Variants in MIS18A observed in about 807,000 individuals in gnomAD.
MIS18A encodes the protein protein Mis18-alpha.
Under a neutral mutation model 25.0 loss-of-function variants are expected in MIS18A, and 14 were observed. That is an observed-to-expected ratio of 0.56 (90% CI 0.37 to 0.88). The LOEUF is 0.88. Among genes scored for constraint, MIS18A ranks in the 40% least tolerant of loss-of-function variants. The pLI is 0.00. For synonymous variants in MIS18A, 134 were observed against 118.6 expected, an observed-to-expected ratio of 1.13 and a Z score of -0.84; for missense variants, 292 against 290.8, an observed-to-expected ratio of 1.00 and a Z score of -0.03.
the MIS18A span, among the ~76,000 whole-genome samples, chr21:32,181,915 C>T: frequency 2.2e-4 from 33 of 152,094 alleles, no homozygotes; most frequent in Non-Finnish European, 5.9e-5. Context: ...TTACACTGAC[C>T]ACTTACCCTC....
the MIS18A span, among the ~76,000 whole-genome samples, chr21:32,162,123 G>C: frequency 2.4e-4 from 37 of 152,126 alleles, no homozygotes; most frequent in Admixed American, 1.6e-3. Flanking sequence ...ATGTGAAAAA[G>C]TGGCCTGGGT....
the MIS18A span, among the ~76,000 whole-genome samples, chr21:32,190,137 T>C: frequency 3.3e-5 from 5 of 152,214 alleles, no homozygotes; most frequent in African/African-American, 4.8e-5. Flanking sequence ...GAAATTGATT[T>C]TTTCCACTAC....
chr21:32,239,567 C>G, the MIS18A span, among the ~76,000 whole-genome samples: 1 of 152,190 alleles, frequency 6.6e-6, no homozygotes, highest in Admixed American at 6.5e-5. Context: ...AAGATTCTCA[C>G]CATGAAAGGT....
At chr21:32,249,763 T>C in the MIS18A span, among the ~76,000 whole-genome samples, 1 of 152,048 alleles carries the variant, frequency 6.6e-6, no homozygotes, top group Non-Finnish European at 1.5e-5. Context: ...TCCAGTGAAC[T>C]AATAGAGCTG....
the MIS18A span, among the ~76,000 whole-genome samples, chr21:32,155,212 C>T: frequency 2.0e-5 from 3 of 152,068 alleles, no homozygotes; most frequent in Non-Finnish European, 4.4e-5. Flanking sequence ...GTTTAGAAGA[C>T]AAGCAAACTT....
At chr21:32,240,169 A>T in the MIS18A span, among the ~76,000 whole-genome samples, 2 of 152,358 alleles carry the variant, frequency 1.3e-5, no homozygotes, top group Non-Finnish European at 1.5e-5. Context: ...CAGAACCAAC[A>T]TCAACCAATT....
chr21:32,194,010 T>C, the MIS18A span, among the ~76,000 whole-genome samples: 1 of 152,102 alleles, frequency 6.6e-6, no homozygotes, highest in Admixed American at 6.5e-5. Flanking sequence ...CAAAAATGTC[T>C]CCAGACATTG....
the MIS18A span, among the ~76,000 whole-genome samples, chr21:32,242,748 C>G: frequency 6.6e-6 from 1 of 152,212 alleles, no homozygotes; most frequent in Non-Finnish European, 1.5e-5. Flanking sequence ...CCCTGCCCTC[C>G]AGAAGCTCCC....
the MIS18A span, among the ~76,000 whole-genome samples, chr21:32,184,693 T>A: frequency 6.6e-6 from 1 of 152,160 alleles, no homozygotes; most frequent in East Asian, 1.9e-4. Context: ...CACTTCATGC[T>A]GGAGATGCAC....
At chr21:32,214,334 A>T in the MIS18A span, among the ~76,000 whole-genome samples, 1 of 152,154 alleles carries the variant, frequency 6.6e-6, no homozygotes, top group Admixed American at 6.5e-5. Context: ...AGTGCATTGG[A>T]CCTAGAAAAT....
chr21:32,223,423 A>G, the MIS18A span, among the ~76,000 whole-genome samples: 3 of 152,158 alleles, frequency 2.0e-5, no homozygotes, highest in South Asian at 2.1e-4. Flanking sequence ...TCAAATAGAC[A>G]CAATAAAAAA....
At chr21:32,185,506 C>T in the MIS18A span, among the ~76,000 whole-genome samples, 2 of 152,170 alleles carry the variant, frequency 1.3e-5, no homozygotes, top group African/African-American at 2.4e-5. Flanking sequence ...ATGTGGCATG[C>T]ATCCTCCAAT....
chr21:32,208,276 G>C, the MIS18A span, among the ~76,000 whole-genome samples: 1 of 152,182 alleles, frequency 6.6e-6, no homozygotes, highest in Admixed American at 6.5e-5. Flanking sequence ...AGTGTTGAAG[G>C]TAGGGCCTGG....
chr21:32,199,806 A>T, the MIS18A span, among the ~76,000 whole-genome samples: 1 of 152,122 alleles, frequency 6.6e-6, no homozygotes, highest in Admixed American at 6.6e-5. Context: ...ACTCTGTCTC[A>T]AAAAAACAAA....
At chr21:32,226,680 A>G in the MIS18A span, among the ~76,000 whole-genome samples, 1 of 152,204 alleles carries the variant, frequency 6.6e-6, no homozygotes, top group Non-Finnish European at 1.5e-5. Context: ...CACACTTTCA[A>G]TAATATAGAG....
chr21:32,213,600 C>T, the MIS18A span, among the ~76,000 whole-genome samples: 1 of 152,148 alleles, frequency 6.6e-6, no homozygotes, highest in East Asian at 1.9e-4. Context: ...CCTTTTCTAC[C>T]TTTCAACGTG....
intron 2 of MIS18A, among the ~76,000 whole-genome samples, chr21:32,271,903 T>C (rs1335578664): frequency 1.3e-5 from 2 of 152,188 alleles, no homozygotes; most frequent in Non-Finnish European, 2.9e-5. Flanking sequence ...ATATCTAATG[T>C]CATCAGCCAA....
At chr21:32,264,416 G>T (rs1601070857), downstream of MIS18A, among the ~76,000 whole-genome samples, 1 of 152,086 alleles carries the variant, frequency 6.6e-6, no homozygotes, top group Non-Finnish European at 1.5e-5. Context: ...CTGGCTACAA[G>T]ACTGAATCAG....
At chr21:32,237,358 G>C in the MIS18A span, among the ~76,000 whole-genome samples, 2 of 152,210 alleles carry the variant, frequency 1.3e-5, no homozygotes, top group Non-Finnish European at 2.9e-5. Context: ...GCATAACTCA[G>C]CCTGGCCTGC....
Sources: gnomAD v4.1 joint callset for allele counts (sites outside exome capture counted in the v4.1 genomes callset) on GRCh38, gnomAD v4.1.1 for gene constraint, MANE v1.5 for transcripts, NCBI Gene and HGNC (gene_info 2026-07-23, HGNC 2026-07-21) for gene names.